The following PTP4A2 variants were observed in gnomAD, a reference collection of about 807,000 sequenced individuals.
PTP4A2 encodes the protein protein tyrosine phosphatase 4A2.
In PTP4A2, 2 loss-of-function variants were observed where a neutral mutation model predicts 22.9. The ratio of observed to expected loss-of-function variants is 0.09; its 90% CI spans 0.04 to 0.27. The LOEUF is 0.27. Among genes scored for constraint, PTP4A2 ranks in the 10% least tolerant of loss-of-function variants. The pLI, the probability that PTP4A2 is intolerant of heterozygous loss-of-function variation, is 1.00. For missense variants in PTP4A2, 103 were observed against 205.1 expected (o/e 0.50, Z 3.04); for synonymous variants, 68 against 69.1 (o/e 0.98, Z 0.08).
intron 1 of PTP4A2, among the ~76,000 whole-genome samples, chr1:31,922,077 A>G (rs1652182901): frequency 6.6e-6 from 1 of 152,240 alleles, no homozygotes; most frequent in Admixed American, 6.5e-5. Context: ...TCTAACTGTA[A>G]CCCCAAAACA....
chr1:31,918,547 T>C (rs1038563539), intron 2 of PTP4A2, among the ~76,000 whole-genome samples: 1 of 152,242 alleles, frequency 6.6e-6, no homozygotes, highest in African/African-American at 2.4e-5. Context: ...AATTACTAAA[T>C]GGCTCTGAAC....
At chr1:31,933,144 G>C (rs1652792579) in intron 1 of PTP4A2, 1 of 152,200 alleles carries the variant, frequency 6.6e-6, no homozygotes, top group East Asian at 1.9e-4. Flanking sequence ...TGGAACTACA[G>C]GTTCATACCA....
At chr1:31,913,837 C>T (rs1032147400) in intron 3 of PTP4A2, 4 of 456,170 alleles carry the variant, frequency 8.8e-6, no homozygotes, top group African/African-American at 8.0e-5. Context: ...TTTTCTCACT[C>T]TGCCATCTGT....
At chr1:31,914,476 T>C (rs1192915107) in intron 3 of PTP4A2, 1 of 302,370 alleles carries the variant, frequency 3.3e-6, no homozygotes, top group Admixed American at 4.7e-5. Flanking sequence ...CAATAGGTCA[T>C]TATTCTTTTT....
Position 31,908,242 on chromosome 1 carries a change from T to TG in PTP4A2, c.*609_*610insC, listed in dbSNP as rs1553209433. 3 of 119,172 alleles carry TG rather than the reference T, an allele frequency of 2.5e-5. No homozygotes were observed. Among genetic ancestry groups the TG allele is most frequent in the South Asian group, 2.4e-4 (1 of 4,178 alleles). The allele number at this position is 119,172 out of a possible 1,614,324, so 7.4% of individuals were successfully genotyped here. A position where few individuals can be genotyped will look rare whatever the true frequency, so the allele number is the denominator to read the frequency against. On this transcript the variant is annotated 3_prime_UTR_variant, in exon 6 of 6. Coordinates refer to ENST00000647444, the MANE Select transcript of PTP4A2 (RefSeq NM_080391.4). Reference sequence around the variant, plus strand: ...TTTTTTGGTGTTGTTTTTTGTTTTTTTTTTTTTTTTATCTAAAAGTGCCCA... The same window carrying TG: ...TTTTTTGGTGTTGTTTTTTGTTTTTTGTTTTTTTTTTATCTAAAAGTGCCCA...
At chr1:31,930,455 A>AT (rs1652678366) in intron 1 of PTP4A2, among the ~76,000 whole-genome samples, 1 of 152,226 alleles carries the variant, frequency 6.6e-6, no homozygotes, top group Non-Finnish European at 1.5e-5. Context: ...CTGTTCCAGT[A>AT]TTAATCCCCA....
At chr1:31,926,439 G>A (rs1046710245) in intron 1 of PTP4A2, among the ~76,000 whole-genome samples, 1 of 152,066 alleles carries the variant, frequency 6.6e-6, no homozygotes, top group Non-Finnish European at 1.5e-5. Flanking sequence ...ATGCAAATTT[G>A]AGTCAGCTTG....
chr1:31,922,282 A>G (rs2124207580), intron 1 of PTP4A2, among the ~76,000 whole-genome samples: 1 of 152,338 alleles, frequency 6.6e-6, no homozygotes. Context: ...TCAGGAGTTC[A>G]AGACCAGCCT....
rs528051388 is a variant in PTP4A2, at chr1:31,909,333, CT to C, written c.396-374del. Among the ~76,000 whole-genome samples, 516 of 152,164 alleles carry C rather than the reference CT, an allele frequency of 3.4e-3. 2 individuals are homozygous for C. Among genetic ancestry groups the C allele is most frequent in the Non-Finnish European group, 3.7e-3 (253 of 67,994 alleles). On this transcript the variant is annotated intron_variant, in intron 5 of 5. Coordinates refer to ENST00000647444, the MANE Select transcript of PTP4A2 (RefSeq NM_080391.4). ...GTTATTCCAGATCAATGTCAAGATC[CT>C]GTCTGTGCACTACCATCCTGATTTT...
At position 31,906,517 on chromosome 1, in the gene PTP4A2, T is replaced by C. The variant is rs975619281; in HGVS notation, c.*2335A>G. On this transcript the variant is annotated 3_prime_UTR_variant, in exon 6 of 6. Transcript: ENST00000647444. The stretch of plus-strand genomic sequence containing the variant: ...TTCAAATCAATCTGACATCTCTCTA[T>C]GTCAAACTGGCTTCAGCTAGCAATA... 2.0e-5 allele frequency: 3 copies of C among 152,104 alleles called. 1 individual carries two copies. The highest frequency in any genetic ancestry group is 7.2e-5 in the African/African-American group (3 of 41,408). 9.4% of individuals were successfully genotyped at this position (152,104 alleles called of 1,614,324 possible).
chr1:31,914,358 C>A (rs745430762), intron 3 of PTP4A2: 16 of 442,828 alleles, frequency 3.6e-5, no homozygotes, highest in Middle Eastern at 3.3e-4. Flanking sequence ...AGCCACCACA[C>A]AGGGCCCTAA....
At chr1:31,930,254 C>T (rs775770016) in intron 1 of PTP4A2, among the ~76,000 whole-genome samples, 6 of 152,042 alleles carry the variant, frequency 3.9e-5, no homozygotes, top group Non-Finnish European at 5.9e-5. Context: ...AGGAGAATGG[C>T]GTGAACCCCG....
chr1:31,918,983 T>G lies in PTP4A2; in HGVS notation c.83A>C (p.Asn28Thr). 2 of 1,583,126 alleles carry G rather than the reference T, an allele frequency of 1.3e-6. No individual in the cohort carries two copies. Among genetic ancestry groups the G allele is most frequent in the Non-Finnish European group, 1.7e-6 (2 of 1,152,040 alleles). The change falls in exon 2 of 6, where the codon AAC becomes ACC. Residue 28 changes from asparagine to threonine, a missense_variant. Coordinates refer to ENST00000647444, the MANE Select transcript of PTP4A2 (RefSeq NM_080391.4). ...CCACAATCTTACCTCTGTGAACTTG[T>G]TGAGAGTAGCATTGGTAGGGTTGTG... is the stretch of plus-strand genomic sequence containing the variant. ...ITHNPTNATL[N>T]KFTEELKKYG...
At chr1:31,923,309 T>C (rs889203450) in intron 1 of PTP4A2, among the ~76,000 whole-genome samples, 2 of 148,844 alleles carry the variant, frequency 1.3e-5, no homozygotes, top group African/African-American at 4.9e-5. Flanking sequence ...TGGGCACAAG[T>C]GATCCTTCTG....
At chr1:31,909,323 TGTC>T (rs1396422823) in intron 5 of PTP4A2, among the ~76,000 whole-genome samples, 7 of 152,092 alleles carry the variant, frequency 4.6e-5, no homozygotes, top group Non-Finnish European at 1.0e-4. Context: ...TCCAGATCAA[TGTC>T]AAGATCCTGT....
intron 3 of PTP4A2, chr1:31,913,742 T>G (rs532135452): frequency 2.2e-6 from 1 of 452,838 alleles, no homozygotes; most frequent in East Asian, 7.0e-5. Context: ...TTCCTCAAAC[T>G]AGTTCAAGTT....
intron 4 of PTP4A2, chr1:31,911,098 A>T (rs1651511536): frequency 6.6e-6 from 1 of 152,286 alleles, no homozygotes; most frequent in South Asian, 2.1e-4. Flanking sequence ...ACTACAAAAA[A>T]GGAAATAGCA....
At chr1:31,926,170 TTA>T (rs1286217823) in intron 1 of PTP4A2, among the ~76,000 whole-genome samples, 7 of 144,614 alleles carry the variant, frequency 4.8e-5, no homozygotes, top group Non-Finnish European at 7.5e-5. Flanking sequence ...ATATATATAT[TTA>T]TCTCTCCTAT....
intron 1 of PTP4A2, among the ~76,000 whole-genome samples, chr1:31,935,901 C>G (rs1652913149): frequency 6.6e-6 from 1 of 151,932 alleles, no homozygotes. Flanking sequence ...CTCACAAGAT[C>G]CTCTCACCTC....
Sources: gnomAD v4.1 joint callset for allele counts (sites outside exome capture counted in the v4.1 genomes callset) on GRCh38, gnomAD v4.1.1 for gene constraint, MANE v1.5 for transcripts, NCBI Gene and HGNC (gene_info 2026-07-23, HGNC 2026-07-21) for gene names.